The following ULK4 variants were observed in gnomAD, a reference collection of about 807,000 sequenced individuals.
ULK4 encodes unc-51 like kinase 4.
A neutral mutation model predicts 160.6 loss-of-function variants in ULK4; 133 were observed. That is an observed-to-expected ratio of 0.83 (90% CI 0.72 to 0.96). The LOEUF is 0.96. Ranked by LOEUF, ULK4 falls within the 40% of genes least tolerant of loss-of-function variation. The pLI is 0.00. For synonymous variants in ULK4, 534 were observed against 539.8 expected, an observed-to-expected ratio of 0.99 and a Z score of 0.15; for missense variants, 1,580 against 1,499.5, an observed-to-expected ratio of 1.05 and a Z score of -0.89.
At chr3:41,610,546 ACTGT>A (rs2032622921) in intron 31 of ULK4, among the ~76,000 whole-genome samples, 2 of 152,204 alleles carry the variant, frequency 1.3e-5, no homozygotes, top group African/African-American at 2.4e-5. Flanking sequence ...ATGTAATGTG[ACTGT>A]CTGTCTATAT....
intron 2 of ULK4, among the ~76,000 whole-genome samples, chr3:41,953,039 G>A (rs904316163): frequency 6.6e-6 from 1 of 151,758 alleles, no homozygotes; most frequent in African/African-American, 2.4e-5. Context: ...AAAAGCTGGA[G>A]AAGGAGAAAT....
At chr3:41,667,538 T>C (rs1238246990) in intron 29 of ULK4, among the ~76,000 whole-genome samples, 1 of 152,120 alleles carries the variant, frequency 6.6e-6, no homozygotes, top group Non-Finnish European at 1.5e-5. Context: ...GAAAAAAATA[T>C]ATAGTGATGA....
chr3:41,454,437 G>A (rs1354983848), intron 34 of ULK4, among the ~76,000 whole-genome samples: 3 of 150,552 alleles, frequency 2.0e-5, no homozygotes, highest in Non-Finnish European at 3.0e-5. Context: ...CTACTTGGGA[G>A]GCTGAGGCAG....
chr3:41,292,938 C>T (rs1360550122), intron 35 of ULK4, among the ~76,000 whole-genome samples: 4 of 150,258 alleles, frequency 2.7e-5, no homozygotes, highest in South Asian at 2.1e-4. Flanking sequence ...AGCAAGACAC[C>T]GTCTCAAAAA....
At chr3:41,507,094 T>C (rs578169512) in intron 32 of ULK4, among the ~76,000 whole-genome samples, 100 of 129,656 alleles carry the variant, frequency 7.7e-4, no homozygotes, top group African/African-American at 2.8e-3. Flanking sequence ...TTTAACTAAA[T>C]TAACAATAAA....
intron 30 of ULK4, among the ~76,000 whole-genome samples, chr3:41,644,914 A>G (rs1192333618): frequency 1.3e-5 from 2 of 152,146 alleles, no homozygotes; most frequent in Non-Finnish European, 2.9e-5. Context: ...TTCCTGGTTT[A>G]GTCTTGGGAG....
chr3:41,916,704 AT>A (rs34268274), intron 7 of ULK4, among the ~76,000 whole-genome samples: 65 of 126,846 alleles, frequency 5.1e-4, no homozygotes, highest in African/African-American at 6.9e-4. Context: ...AGCTCCAACT[AT>A]TTTTTTTTTT....
Position 41,375,980 on chromosome 3 carries a change from A to G in ULK4, c.3678+22099T>C, listed in dbSNP as rs148825401. Among the ~76,000 whole-genome samples, 454 of 150,530 alleles carry G rather than the reference A, an allele frequency of 3.0e-3. 21 individuals carry two copies. The highest frequency in any genetic ancestry group is 0.017 in the East Asian group (82 of 4,844). The stretch of plus-strand genomic sequence containing the variant: ...CATGAAAAAATGGGCAAAGGATATG[A>G]ACAGACACTTCTCAAACGAAGACAT... On this transcript the variant is annotated intron_variant, in intron 35 of 36. Coordinates refer to ENST00000301831, the MANE Select transcript of ULK4 (RefSeq NM_017886.4).
At chr3:41,825,413 A>T (rs1236699981) in intron 18 of ULK4, among the ~76,000 whole-genome samples, 1 of 139,730 alleles carries the variant, frequency 7.2e-6, no homozygotes, top group African/African-American at 3.4e-5. Context: ...AAAAACCTTG[A>T]AAAAAAATTA....
chr3:41,704,964 A>G (rs2036818608), intron 27 of ULK4, 93 bp downstream of exon 27: 19 of 933,100 alleles, frequency 2.0e-5, no homozygotes, highest in African/African-American at 3.3e-5. Context: ...TGAGGAACAC[A>G]TATGAGCCAA....
chr3:41,715,454 G>GT lies in ULK4; in HGVS notation c.2569dup (p.Thr857AsnfsTer23). The GT allele has an allele frequency of 6.2e-7, 1 of 1,614,148 alleles. No homozygotes were observed. The highest frequency in any genetic ancestry group is 8.5e-7 in the Non-Finnish European group (1 of 1,180,018). On this transcript the variant is annotated frameshift_variant, in exon 24 of 37. Coordinates refer to ENST00000301831, the MANE Select transcript of ULK4 (RefSeq NM_017886.4). LOFTEE classifies it high-confidence loss of function. ...TCCTCAATACAATAGTACCTGTGAA[G>GT]TTACGAGGTGAAGCACTACAGGCAT... is the stretch of plus-strand genomic sequence containing the variant.
At chr3:41,256,491 C>A (rs1018415200) in intron 35 of ULK4, among the ~76,000 whole-genome samples, 1 of 152,154 alleles carries the variant, frequency 6.6e-6, no homozygotes, top group Non-Finnish European at 1.5e-5. Flanking sequence ...GAGGGAAGAA[C>A]AGTGTTTTGA....
chr3:41,360,308 C>A (rs978219271), intron 35 of ULK4, among the ~76,000 whole-genome samples: 3 of 152,082 alleles, frequency 2.0e-5, no homozygotes, highest in Non-Finnish European at 4.4e-5. Context: ...TGCTTTTATA[C>A]CGTTGGTGGG....
intron 35 of ULK4, among the ~76,000 whole-genome samples, chr3:41,389,047 C>T (rs867334075): frequency 0.069 from 10,406 of 150,810 alleles, 829 homozygotes; most frequent in African/African-American, 0.19. Flanking sequence ...CTCTTTTATT[C>T]CATTGAGCAG....
intron 18 of ULK4, among the ~76,000 whole-genome samples, chr3:41,825,882 G>C (rs1298420929): frequency 6.6e-6 from 1 of 152,170 alleles, no homozygotes; most frequent in Non-Finnish European, 1.5e-5. Flanking sequence ...TTGAAATGAA[G>C]AACAAAATGT....
chr3:41,447,802 G>C (rs2083335831), intron 34 of ULK4, among the ~76,000 whole-genome samples: 1 of 152,172 alleles, frequency 6.6e-6, no homozygotes, highest in Non-Finnish European at 1.5e-5. Context: ...ATCAAAGATA[G>C]GGTTTGGGTT....
chr3:41,775,786 G>C (rs2039591042), intron 21 of ULK4, among the ~76,000 whole-genome samples: 1 of 150,590 alleles, frequency 6.6e-6, no homozygotes, highest in Non-Finnish European at 1.5e-5. Flanking sequence ...ATATCCTTCT[G>C]CAGCTTGCCT....
At chr3:41,858,515 T>C (rs1258632538) in intron 17 of ULK4, among the ~76,000 whole-genome samples, 1 of 149,720 alleles carries the variant, frequency 6.7e-6, no homozygotes, top group Non-Finnish European at 1.5e-5. Context: ...TTCAATTTTT[T>C]TTTTTTTTTT....
intron 32 of ULK4, among the ~76,000 whole-genome samples, chr3:41,509,883 AT>A (rs1369560087): frequency 6.6e-6 from 1 of 152,224 alleles, no homozygotes; most frequent in East Asian, 1.9e-4. Context: ...TAATGCATAA[AT>A]TTCACAGGAT....
Sources: gnomAD v4.1 joint callset for allele counts (sites outside exome capture counted in the v4.1 genomes callset) on GRCh38, gnomAD v4.1.1 for gene constraint, MANE v1.5 for transcripts, NCBI Gene and HGNC (gene_info 2026-07-23, HGNC 2026-07-21) for gene names.